Variants in FRMD4A observed in about 807,000 individuals in gnomAD.
The protein encoded by FRMD4A is FERM domain containing 4A.
A neutral mutation model predicts 129.1 loss-of-function variants in FRMD4A; 29 were observed. The ratio of observed to expected loss-of-function variants is 0.22; its 90% CI spans 0.17 to 0.31. The LOEUF (loss-of-function observed/expected upper bound fraction) is 0.31. Among genes scored for constraint, FRMD4A ranks in the 10% least tolerant of loss-of-function variants. The pLI, the probability that FRMD4A is intolerant of heterozygous loss-of-function variation, is 1.00. For synonymous variants in FRMD4A, 634 were observed against 571.6 expected (o/e 1.11, Z -1.56); for missense variants, 1,272 against 1,375.8 (o/e 0.92, Z 1.19).
chr10:14,326,113 T>C (rs1843264069), intron 2 of FRMD4A: 1 of 152,220 alleles, frequency 6.6e-6, no homozygotes, highest in African/African-American at 2.4e-5. Flanking sequence ...ATGGCAGCTA[T>C]TTCATCGATA....
chr10:14,323,836 T>G (rs970835179), intron 2 of FRMD4A, among the ~76,000 whole-genome samples: 2 of 152,230 alleles, frequency 1.3e-5, no homozygotes, highest in Non-Finnish European at 2.9e-5. Flanking sequence ...AGACAGCTTG[T>G]AAGAGATGAC....
chr10:13,690,725 A>G (rs908075887), intron 15 of FRMD4A, among the ~76,000 whole-genome samples: 3 of 152,184 alleles, frequency 2.0e-5, no homozygotes, highest in Non-Finnish European at 2.9e-5. Flanking sequence ...TGACAATGGG[A>G]GCCGCTCTGC....
At chr10:14,039,451 AATCAATCT>A (rs58460849) in intron 2 of FRMD4A, among the ~76,000 whole-genome samples, 19,115 of 111,250 alleles carry the variant, frequency 0.17, 1,446 homozygotes, top group Middle Eastern at 0.25. Context: ...CCCCAAAATC[AATCAATCT>A]ATCTATCTAT....
At chr10:14,261,979 CACACACA>C in intron 2 of FRMD4A, among the ~76,000 whole-genome samples, 2 of 143,052 alleles carry the variant, frequency 1.4e-5, no homozygotes, top group South Asian at 2.1e-4. Context: ...CACACACACA[CACACACA>C]CCTCATTTTC....
At chr10:14,185,528 A>C (rs144347959) in intron 2 of FRMD4A, among the ~76,000 whole-genome samples, 2 of 152,206 alleles carry the variant, frequency 1.3e-5, no homozygotes, top group Non-Finnish European at 2.9e-5. Flanking sequence ...TTGTTGTAGA[A>C]CTATGGAAAC....
At position 13,657,167 on chromosome 10, in the gene FRMD4A, C is replaced by T. The variant is rs1032354399; in HGVS notation, c.2422G>A (p.Gly808Arg). 10 of 1,493,746 alleles carry T rather than the reference C, an allele frequency of 6.7e-6. No homozygotes were observed. Among genetic ancestry groups the T allele is most frequent in the Non-Finnish European group, 8.9e-6 (10 of 1,127,580 alleles). 92.5% of individuals were successfully genotyped at this position (1,493,746 alleles called of 1,614,324 possible). Reference sequence around the variant, plus strand: ...GCGCCCCCCGCGCCCCCCGCACCCCCGCGCGCCGCCAGGTTGGGCATGCTG... The same window carrying T: ...GCGCCCCCCGCGCCCCCCGCACCCCTGCGCGCCGCCAGGTTGGGCATGCTG... ...SGSMPNLAARGGAGGAGGAGG... is the reference protein window; with the variant it reads ...SGSMPNLAARRGAGGAGGAGG... Residue 808 changes from glycine (G) to arginine (R), a missense_variant, in exon 22 of 25, where the codon GGG (glycine) becomes AGG (arginine). Physicochemically the swap from Gly to Arg is moderately radical, Grantham distance 125. Around this residue, in one of 2 missense-constraint regions of FRMD4A, gnomAD observed 972 missense variants for 892.3 expected, o/e 1.09. Coordinates refer to ENST00000357447, the MANE Select transcript of FRMD4A (RefSeq NM_018027.5).
intron 2 of FRMD4A, among the ~76,000 whole-genome samples, chr10:13,948,200 T>A (rs1390851116): frequency 6.6e-6 from 1 of 152,116 alleles, no homozygotes; most frequent in East Asian, 1.9e-4. Flanking sequence ...ATATATATAT[T>A]TTTAAGATAC....
intron 2 of FRMD4A, among the ~76,000 whole-genome samples, chr10:14,322,025 G>A (rs369528454): frequency 6.6e-6 from 1 of 152,156 alleles, no homozygotes; most frequent in East Asian, 1.9e-4. Context: ...ATGATTGTAA[G>A]TTTCCTGAGG....
At chr10:14,090,974 C>G (rs913520329) in intron 2 of FRMD4A, among the ~76,000 whole-genome samples, 3 of 151,948 alleles carry the variant, frequency 2.0e-5, no homozygotes, top group Admixed American at 1.3e-4. Context: ...ACGCCCAGCT[C>G]AAACTAACAT....
chr10:13,824,635 G>C (rs1417085201), intron 3 of FRMD4A, among the ~76,000 whole-genome samples: 2 of 152,232 alleles, frequency 1.3e-5, no homozygotes, highest in Middle Eastern at 3.4e-3. Flanking sequence ...GCTCACACCT[G>C]TAATCCCAGC....
intron 2 of FRMD4A, among the ~76,000 whole-genome samples, chr10:14,311,435 A>G (rs1846542531): frequency 6.6e-6 from 1 of 152,226 alleles, no homozygotes; most frequent in African/African-American, 2.4e-5. Context: ...ATCTGGTTCT[A>G]TAGGACCATG....
chr10:14,269,746 G>C (rs944341926), intron 2 of FRMD4A, among the ~76,000 whole-genome samples: 1 of 152,194 alleles, frequency 6.6e-6, no homozygotes, highest in African/African-American at 2.4e-5. Context: ...GATTTTGGGT[G>C]TCAATGTGAC....
chr10:14,301,525 T>C (rs2132090472), intron 2 of FRMD4A, among the ~76,000 whole-genome samples: 1 of 152,368 alleles, frequency 6.6e-6, no homozygotes. Context: ...ATAGCAATAA[T>C]TGTTTTCTGA....
intron 2 of FRMD4A, among the ~76,000 whole-genome samples, chr10:14,078,381 T>C (rs1835732870): frequency 6.6e-6 from 1 of 152,224 alleles, no homozygotes; most frequent in South Asian, 2.1e-4. Context: ...CTCAAGGCTA[T>C]TGGGAAATCT....
intron 12 of FRMD4A, among the ~76,000 whole-genome samples, chr10:13,736,863 A>G (rs1287381574): frequency 1.3e-5 from 2 of 152,244 alleles, no homozygotes; most frequent in African/African-American, 4.8e-5. Context: ...TGTTTCCATT[A>G]TAATTTTTCA....
At chr10:13,937,886 T>G (rs2095261245) in intron 2 of FRMD4A, among the ~76,000 whole-genome samples, 2 of 152,254 alleles carry the variant, frequency 1.3e-5, no homozygotes, top group Non-Finnish European at 2.9e-5. Flanking sequence ...GTTTCTCATT[T>G]AAGCAATTCT....
At chr10:14,274,163 G>A (rs1384990113) in intron 2 of FRMD4A, among the ~76,000 whole-genome samples, 3 of 152,168 alleles carry the variant, frequency 2.0e-5, no homozygotes, top group South Asian at 2.1e-4. Context: ...TGCCCTGAAC[G>A]CAGTCAGAGA....
chr10:14,295,217 T>C (rs1350131444), intron 2 of FRMD4A, among the ~76,000 whole-genome samples: 9 of 152,124 alleles, frequency 5.9e-5, no homozygotes, highest in African/African-American at 2.2e-4. Flanking sequence ...ATCAGGTACA[T>C]GGGAAAGCCA....
At chr10:13,778,408 G>C (rs1588672186) in intron 6 of FRMD4A, among the ~76,000 whole-genome samples, 1 of 152,206 alleles carries the variant, frequency 6.6e-6, no homozygotes, top group African/African-American at 2.4e-5. Flanking sequence ...CTCTTAGTGT[G>C]CTGGGTTTGA....
Sources: allele counts gnomAD v4.1 joint callset (sites outside exome capture counted in the v4.1 genomes callset), GRCh38; gene constraint gnomAD v4.1.1; regional missense constraint gnomAD v4.1.1; transcripts MANE v1.5; gene names NCBI Gene and HGNC (gene_info 2026-07-23, HGNC 2026-07-21).